Variants in ZDHHC14 observed in about 807,000 individuals in gnomAD.
ZDHHC14 encodes the protein zDHHC palmitoyltransferase 14.
A neutral mutation model predicts 47.7 loss-of-function variants in ZDHHC14; 16 were observed. That is an observed-to-expected ratio of 0.34 (90% CI 0.23 to 0.51). ZDHHC14 has a LOEUF of 0.51. Ranked by LOEUF, ZDHHC14 falls within the 20% of genes least tolerant of loss-of-function variation. The probability of loss-of-function intolerance (pLI) is 0.97; values close to 1 mark genes in which losing one functional copy is unlikely to be tolerated. For synonymous variants in ZDHHC14, 293 were observed against 278.9 expected (o/e 1.05, Z -0.50); for missense variants, 515 against 662.5 (o/e 0.78, Z 2.44).
At chr6:157,485,470 C>G (rs997202707) in intron 1 of ZDHHC14, among the ~76,000 whole-genome samples, 3 of 152,130 alleles carry the variant, frequency 2.0e-5, no homozygotes, top group African/African-American at 7.2e-5. Flanking sequence ...AACGTGATTT[C>G]TTTAGATTTT....
intron 4 of ZDHHC14, chr6:157,632,600 T>C: frequency 1.8e-6 from 1 of 570,298 alleles, no homozygotes; most frequent in Non-Finnish European, 3.1e-6. Context: ...ATCCATCTGC[T>C]TTTATTGAAA....
intron 3 of ZDHHC14, among the ~76,000 whole-genome samples, chr6:157,619,714 G>T (rs891365312): frequency 6.8e-6 from 1 of 147,230 alleles, no homozygotes. Flanking sequence ...TTTAGGGTTT[G>T]TTTTTTTTTT....
At position 157,592,521 on chromosome 6, in the gene ZDHHC14, A is replaced by T. The variant is rs536842813; in HGVS notation, c.407-467A>T. ...GTGTGTTAATGAGGGCAAGGCTAGC[A>T]GTAACAAGTAACACCCTAGCCTTTC... On this transcript the variant is annotated intron_variant, in intron 2 of 8. Transcript: ENST00000359775. Among the ~76,000 whole-genome samples the T allele has an allele frequency of 2.0e-5, 3 of 152,322 alleles. No individual in the cohort carries two copies. In the East Asian group the frequency reaches 5.8e-4, roughly 29 times the overall value.
chr6:157,498,530 C>T (rs188128202), intron 1 of ZDHHC14, among the ~76,000 whole-genome samples: 47 of 152,092 alleles, frequency 3.1e-4, no homozygotes, highest in African/African-American at 8.7e-4. Flanking sequence ...ATCAGTGACT[C>T]GAGGGATTTG....
At chr6:157,402,063 G>A (rs1480355320) in intron 1 of ZDHHC14, among the ~76,000 whole-genome samples, 2 of 151,446 alleles carry the variant, frequency 1.3e-5, no homozygotes, top group African/African-American at 4.9e-5. Flanking sequence ...CAGCAAGTGA[G>A]ATGCGCACCT....
intron 1 of ZDHHC14, among the ~76,000 whole-genome samples, chr6:157,433,415 T>G (rs139647948): frequency 6.6e-6 from 1 of 152,272 alleles, no homozygotes; most frequent in African/African-American, 2.4e-5. Context: ...CTCATAGGTA[T>G]TCACTAAATA....
chr6:157,538,803 A>G (rs1439817708), intron 1 of ZDHHC14, among the ~76,000 whole-genome samples: 3 of 152,228 alleles, frequency 2.0e-5, no homozygotes, highest in Non-Finnish European at 2.9e-5. Flanking sequence ...GGGAGCATCA[A>G]CATGCTGAAT....
chr6:157,509,029 C>T (rs937114689), intron 1 of ZDHHC14, among the ~76,000 whole-genome samples: 2 of 152,216 alleles, frequency 1.3e-5, no homozygotes, highest in Non-Finnish European at 2.9e-5. Context: ...AGGGGTTAAC[C>T]TCAGCTTCCA....
At chr6:157,643,373 A>T (rs1385971126) in intron 5 of ZDHHC14, among the ~76,000 whole-genome samples, 1 of 152,034 alleles carries the variant, frequency 6.6e-6, no homozygotes, top group Non-Finnish European at 1.5e-5. Context: ...TATTAATAGA[A>T]AAGCTGGCCG....
intron 1 of ZDHHC14, among the ~76,000 whole-genome samples, chr6:157,444,938 TGGG>T (rs1031785385): frequency 7.2e-5 from 11 of 152,042 alleles, no homozygotes; most frequent in African/African-American, 2.7e-4. Context: ...AGCCCAGAAG[TGGG>T]CATGTGGCCA....
At chr6:157,536,193 T>C (rs1411741427) in intron 1 of ZDHHC14, among the ~76,000 whole-genome samples, 1 of 152,238 alleles carries the variant, frequency 6.6e-6, no homozygotes, top group Non-Finnish European at 1.5e-5. Flanking sequence ...GATTGGAGTG[T>C]GGCAATAATG....
intron 1 of ZDHHC14, among the ~76,000 whole-genome samples, chr6:157,473,420 T>G (rs901843320): frequency 1.1e-4 from 16 of 152,250 alleles, no homozygotes; most frequent in African/African-American, 3.9e-4. Flanking sequence ...GTATTTGTCT[T>G]TCTGTGCCTG....
chr6:157,530,364 T>C (rs1021958441), intron 1 of ZDHHC14, among the ~76,000 whole-genome samples: 2 of 152,170 alleles, frequency 1.3e-5, no homozygotes, highest in African/African-American at 4.8e-5. Context: ...TTGCCAAGGA[T>C]AATAGTCGAT....
intron 1 of ZDHHC14, among the ~76,000 whole-genome samples, chr6:157,467,458 G>A (rs1475664263): frequency 6.6e-6 from 1 of 151,958 alleles, no homozygotes; most frequent in African/African-American, 2.4e-5. Flanking sequence ...CTCTCACTCA[G>A]CATAGTGTGT....
chr6:157,671,423 G>A (rs770381801), intron 8 of ZDHHC14, among the ~76,000 whole-genome samples: 2 of 152,136 alleles, frequency 1.3e-5, no homozygotes, highest in African/African-American at 4.8e-5. Context: ...ACAGAGTCCC[G>A]ATTTGCTCAC....
intron 7 of ZDHHC14, among the ~76,000 whole-genome samples, chr6:157,648,461 T>C (rs1299357052): frequency 1.3e-5 from 2 of 151,744 alleles, no homozygotes; most frequent in Non-Finnish European, 2.9e-5. Flanking sequence ...TCCAAGCATA[T>C]ATTCCAAGGC....
rs541709273 is a variant in ZDHHC14, at chr6:157,453,241, G to C, written c.245+70975G>C. Reference sequence around the variant, plus strand: ...CTCTACTTCTCATCTATGTTCTTTAGATACCGAAGACATTCTATCTCTGTA... The same window carrying C: ...CTCTACTTCTCATCTATGTTCTTTACATACCGAAGACATTCTATCTCTGTA... On this transcript the variant is annotated intron_variant, in intron 1 of 8. Coordinates refer to ENST00000359775, the MANE Select transcript of ZDHHC14 (RefSeq NM_024630.3). 1.2e-4 allele frequency among the ~76,000 whole-genome samples: 19 copies of C among 152,284 alleles called. No homozygotes were observed. The East Asian group carries it at 3.7e-3, about 29-fold the overall frequency.
In ZDHHC14 at chr6:157,381,430, G is replaced by A; in HGVS notation, c.-592G>A. 7.6e-6 allele frequency: 2 copies of A among 264,052 alleles called. No individual in the cohort carries two copies. Among genetic ancestry groups the A allele is most frequent in the South Asian group, 5.7e-5 (2 of 35,232 alleles). 16.4% of individuals were successfully genotyped at this position (264,052 alleles called of 1,614,324 possible). ...GCCGAGAGGCTCCTGACAGAAAAAC[G>A]TGCGTGGTTGTCCCCACCCCTGGGA... On this transcript the variant is annotated 5_prime_UTR_variant, in exon 1 of 9. In the 5' UTR this introduces an upstream ATG that the reference lacks. Coordinates refer to ENST00000359775, the MANE Select transcript of ZDHHC14 (RefSeq NM_024630.3).
intron 1 of ZDHHC14, among the ~76,000 whole-genome samples, chr6:157,453,137 G>A (rs914096304): frequency 6.6e-6 from 1 of 152,064 alleles, no homozygotes; most frequent in African/African-American, 2.4e-5. Flanking sequence ...GGTTTACTTA[G>A]GATAACCGTG....
Sources: allele counts gnomAD v4.1 joint callset (sites outside exome capture counted in the v4.1 genomes callset), GRCh38; gene constraint gnomAD v4.1.1; transcripts MANE v1.5; gene names NCBI Gene and HGNC (gene_info 2026-07-23, HGNC 2026-07-21).